Variants in PTPRM observed in about 807,000 individuals in gnomAD.
PTPRM encodes receptor-type tyrosine-protein phosphatase mu.
In PTPRM, 47 loss-of-function variants were observed where a neutral mutation model predicts 186.7. The ratio of observed to expected loss-of-function variants is 0.25; its 90% CI spans 0.20 to 0.32. The LOEUF (loss-of-function observed/expected upper bound fraction) is 0.32, where lower values mean the gene tolerates loss of function less well. Ranked by LOEUF, PTPRM falls within the 10% of genes least tolerant of loss-of-function variation. PTPRM has a pLI of 1.00. For missense variants in PTPRM, 1,494 were observed against 1,865.0 expected, an observed-to-expected ratio of 0.80 and a Z score of 3.66; for synonymous variants, 668 against 674.9, an observed-to-expected ratio of 0.99 and a Z score of 0.16.
intron 7 of PTPRM, among the ~76,000 whole-genome samples, chr18:8,043,923 G>A (rs2086849658): frequency 6.6e-6 from 1 of 152,178 alleles, no homozygotes; most frequent in Admixed American, 6.5e-5. Flanking sequence ...GGGTTTGTTA[G>A]CTAGTGCTTA....
rs1240985069 is a variant in PTPRM at position 8,314,822 on chromosome 18, A to G, written c.2884A>G (p.Thr962Ala). 13 of 1,610,582 alleles carry G rather than the reference A, an allele frequency of 8.1e-6. No homozygotes were observed. Among genetic ancestry groups the G allele is most frequent in the Non-Finnish European group, 1.1e-5 (13 of 1,177,304 alleles). Residue 962 changes from threonine (T) to alanine (A), a missense_variant, in exon 21 of 33, where the codon ACA becomes GCA. Coordinates refer to ENST00000580170, the MANE Select transcript of PTPRM (RefSeq NM_001105244.2). Reference sequence around the variant, plus strand: ...GAGGCTGCAGACAATAGAAGGAGACACAAACTCAGACTATATCAATGGCAA... The same window carrying G: ...GAGGCTGCAGACAATAGAAGGAGACGCAAACTCAGACTATATCAATGGCAA... ...RVRLQTIEGDTNSDYINGNYI... is the reference protein window; with the variant it reads ...RVRLQTIEGDANSDYINGNYI...
chr18:8,017,360 A>G (rs1348965810), intron 7 of PTPRM, among the ~76,000 whole-genome samples: 2 of 152,118 alleles, frequency 1.3e-5, no homozygotes, highest in Non-Finnish European at 2.9e-5. Context: ...AACATGGTGA[A>G]ATATACAAAA....
chr18:7,996,422 T>G (rs777049775), intron 7 of PTPRM, among the ~76,000 whole-genome samples: 6 of 152,112 alleles, frequency 3.9e-5, no homozygotes, highest in Non-Finnish European at 2.9e-5. Context: ...ATATATGACA[T>G]ACAGCTAACA....
intron 23 of PTPRM, among the ~76,000 whole-genome samples, chr18:8,352,655 TTTTTTTG>T (rs2095541466): frequency 8.7e-6 from 1 of 115,566 alleles, no homozygotes; most frequent in African/African-American, 2.8e-5. Context: ...TTGGTTTGGT[TTTTTTTG>T]TTTGTTTGTT....
chr18:7,928,066 T>G (rs561435661), intron 5 of PTPRM, among the ~76,000 whole-genome samples: 2 of 152,270 alleles, frequency 1.3e-5, no homozygotes, highest in East Asian at 3.9e-4. Flanking sequence ...TTCTTCTCTT[T>G]CTGGGGAAAA....
At chr18:7,796,897 A>G (rs1382161344) in intron 2 of PTPRM, among the ~76,000 whole-genome samples, 1 of 152,198 alleles carries the variant, frequency 6.6e-6, no homozygotes. Context: ...TATAGCACAC[A>G]TGTAACTTTT....
intron 7 of PTPRM, among the ~76,000 whole-genome samples, chr18:8,062,978 G>T (rs1461309616): frequency 1.4e-4 from 21 of 149,362 alleles, no homozygotes; most frequent in African/African-American, 5.0e-5. Context: ...AGCTGTGGTG[G>T]GCTCCACCCA....
chr18:7,602,438 T>C (rs1196392192), intron 1 of PTPRM, among the ~76,000 whole-genome samples: 1 of 152,016 alleles, frequency 6.6e-6, no homozygotes, highest in Non-Finnish European at 1.5e-5. Context: ...ATTTTTTTTT[T>C]TTTTTTTGAG....
At chr18:8,105,654 G>A (rs2091482202) in intron 11 of PTPRM, among the ~76,000 whole-genome samples, 1 of 152,040 alleles carries the variant, frequency 6.6e-6, no homozygotes, top group African/African-American at 2.4e-5. Context: ...CTCTGCATGG[G>A]ATCAGACCTC....
At chr18:8,355,089 C>T (rs1165941914) in intron 23 of PTPRM, among the ~76,000 whole-genome samples, 2 of 152,198 alleles carry the variant, frequency 1.3e-5, no homozygotes, top group Admixed American at 6.5e-5. Context: ...TAAGCATATG[C>T]TGCATTCACA....
intron 23 of PTPRM, chr18:8,361,010 A>C (rs1205353305): frequency 6.6e-6 from 1 of 152,194 alleles, no homozygotes; most frequent in Non-Finnish European, 1.5e-5. Context: ...TGTGATGTGC[A>C]GTCAAGGATT....
chr18:7,589,662 T>G (rs1416966171), intron 1 of PTPRM, among the ~76,000 whole-genome samples: 1 of 152,216 alleles, frequency 6.6e-6, no homozygotes, highest in Non-Finnish European at 1.5e-5. Flanking sequence ...AAATACTGTA[T>G]GTCTCTCTGC....
intron 1 of PTPRM, chr18:7,747,753 C>G (rs909713402): frequency 2.0e-5 from 3 of 152,136 alleles, no homozygotes; most frequent in African/African-American, 7.2e-5. Context: ...GTCCTCATCT[C>G]AACGAATTAT....
At chr18:8,379,024 C>A in intron 27 of PTPRM, 143 bp from the exon 28 acceptor site, 1 of 611,954 alleles carries the variant, frequency 1.6e-6, no homozygotes, top group Non-Finnish European at 2.6e-6. Flanking sequence ...AAAGAAAACT[C>A]GAACTATGGT....
At chr18:7,987,169 A>G (rs922632002) in intron 7 of PTPRM, among the ~76,000 whole-genome samples, 2 of 152,208 alleles carry the variant, frequency 1.3e-5, no homozygotes, top group Non-Finnish European at 2.9e-5. Context: ...CTGTCCTCCA[A>G]AAATCTGTCT....
At chr18:8,118,824 A>T (rs974647377) in intron 13 of PTPRM, among the ~76,000 whole-genome samples, 8 of 146,878 alleles carry the variant, frequency 5.4e-5, no homozygotes, top group Non-Finnish European at 1.0e-4. Flanking sequence ...ATATATATAT[A>T]TATATATATG....
intron 22 of PTPRM, among the ~76,000 whole-genome samples, chr18:8,332,288 A>G (rs530403186): frequency 6.6e-6 from 1 of 152,336 alleles, no homozygotes; most frequent in East Asian, 1.9e-4. Context: ...GTTGTATAGC[A>G]TATTATAGAC....
At chr18:7,997,527 A>G (rs2083611023) in intron 7 of PTPRM, among the ~76,000 whole-genome samples, 1 of 152,212 alleles carries the variant, frequency 6.6e-6, no homozygotes, top group Non-Finnish European at 1.5e-5. Context: ...AGCAAAAAAT[A>G]GACAATTCAG....
At chr18:7,830,914 G>A (rs1308818792) in intron 2 of PTPRM, among the ~76,000 whole-genome samples, 1 of 152,154 alleles carries the variant, frequency 6.6e-6, no homozygotes. Flanking sequence ...AAGAGACTCT[G>A]CATTTTGGTT....
Sources: gnomAD v4.1 joint callset for allele counts (sites outside exome capture counted in the v4.1 genomes callset) on GRCh38, gnomAD v4.1.1 for gene constraint, MANE v1.5 for transcripts, NCBI Gene and HGNC (gene_info 2026-07-23, HGNC 2026-07-21) for gene names.